Variants in NRIP1 observed in about 807,000 individuals in gnomAD.
NRIP1 encodes the protein nuclear receptor-interacting protein 1.
In NRIP1, 28 loss-of-function variants were observed where a neutral mutation model predicts 75.0. The observed-to-expected ratio is 0.37, with a 90% confidence interval of 0.28 to 0.51. NRIP1 has a LOEUF of 0.51. NRIP1 is among the 20% of genes least tolerant of loss of function. The probability of loss-of-function intolerance (pLI) is 0.92; values close to 1 mark genes in which losing one functional copy is unlikely to be tolerated. For missense variants in NRIP1, 1,435 were observed against 1,343.7 expected, an observed-to-expected ratio of 1.07 and a Z score of -1.06; for synonymous variants, 526 against 487.6, an observed-to-expected ratio of 1.08 and a Z score of -1.04.
In NRIP1 at chr21:14,987,255, G is replaced by T. The variant is rs565608965; in HGVS notation, c.-334-18729C>A. 9.9e-5 allele frequency among the ~76,000 whole-genome samples: 15 copies of T among 152,280 alleles called. No homozygotes were observed. In the East Asian group the frequency reaches 2.9e-3, roughly 29 times the overall value. ...AATACCTGTTTCATAGAGCCCCTGG[G>T]CTGAACAAATGTGGTAATGCTCACA... On this transcript the variant is annotated intron_variant, in intron 3 of 3. Transcript: ENST00000318948.
At chr21:15,064,669 G>C (rs1216903604) in intron 1 of NRIP1, 76 bp downstream of exon 1, 4 of 150,794 alleles carry the variant, frequency 2.7e-5, no homozygotes, top group Admixed American at 1.3e-4. Flanking sequence ...GAGCCGACGC[G>C]GGCCGCGCTC....
intron 1 of NRIP1, among the ~76,000 whole-genome samples, 171 bp downstream of exon 1, chr21:15,064,574 C>G (rs1978684685): frequency 1.3e-5 from 2 of 151,478 alleles, no homozygotes; most frequent in Non-Finnish European, 1.5e-5. Context: ...CCCGGAGACT[C>G]GAACCAGGCA....
chr21:15,011,015 C>G (rs1424635989), intron 3 of NRIP1, among the ~76,000 whole-genome samples: 1 of 152,148 alleles, frequency 6.6e-6, no homozygotes, highest in Non-Finnish European at 1.5e-5. Flanking sequence ...CTTTCTTTCA[C>G]CAGCATCACG....
intron 1 of NRIP1, among the ~76,000 whole-genome samples, chr21:15,043,851 C>G (rs1174199859): frequency 6.6e-6 from 1 of 152,170 alleles, no homozygotes; most frequent in Non-Finnish European, 1.5e-5. Flanking sequence ...TGGAGTCTCC[C>G]TCTGTCACCC....
At chr21:15,026,109 A>C (rs921520203) in intron 2 of NRIP1, among the ~76,000 whole-genome samples, 1 of 152,212 alleles carries the variant, frequency 6.6e-6, no homozygotes, top group Admixed American at 6.5e-5. Context: ...AAATAAGTCA[A>C]CAGAGGAAAA....
chr21:14,976,812 T>G (rs1346181104), intron 3 of NRIP1, among the ~76,000 whole-genome samples: 1 of 152,186 alleles, frequency 6.6e-6, no homozygotes, highest in Non-Finnish European at 1.5e-5. Context: ...TTTTTAAGGA[T>G]TCAGTATCTT....
intron 1 of NRIP1, among the ~76,000 whole-genome samples, chr21:15,058,077 T>C (rs940636142): frequency 6.6e-6 from 1 of 152,164 alleles, no homozygotes; most frequent in Non-Finnish European, 1.5e-5. Flanking sequence ...TGCTGTACAG[T>C]CAGAATTTTA....
intron 2 of NRIP1, among the ~76,000 whole-genome samples, chr21:15,038,901 A>C (rs935334195): frequency 1.3e-5 from 2 of 152,128 alleles, no homozygotes; most frequent in African/African-American, 4.8e-5. Flanking sequence ...TTAGTAACGA[A>C]CGCAACAGAA....
rs1270497732 is a variant in NRIP1 at position 14,966,154 on chromosome 21, G to T, written c.2039C>A (p.Ala680Glu). The T allele has an allele frequency of 1.2e-6, 2 of 1,613,112 alleles. No individual in the cohort carries two copies. Among genetic ancestry groups the T allele is most frequent in the East Asian group, 2.2e-5 (1 of 44,888 alleles). Residue 680 changes from alanine to glutamate, a missense_variant, in exon 4 of 4, where the codon GCA becomes GAA. Ala to Glu is a moderately radical substitution (Grantham distance 107). Coordinates refer to ENST00000318948, the MANE Select transcript of NRIP1 (RefSeq NM_003489.4). ...NSPLLSNKTN[A>E]VEENKAFSSQ... ...ACTAAATGCTTTATTTTCTTCAACT[G>T]CATTTGTTTTATTTGAGAGCAAAGG...
intron 1 of NRIP1, among the ~76,000 whole-genome samples, chr21:15,054,304 C>T (rs1421646475): frequency 6.6e-6 from 1 of 152,144 alleles, no homozygotes; most frequent in African/African-American, 2.4e-5. Context: ...GCTGGCGGGT[C>T]CCTTTGACTA....
intron 1 of NRIP1, among the ~76,000 whole-genome samples, chr21:15,063,896 C>T (rs553374655): frequency 3.9e-5 from 6 of 152,346 alleles, no homozygotes; most frequent in Admixed American, 2.0e-4. Flanking sequence ...CTTCAGAGAT[C>T]AACATGTGTC....
At chr21:15,054,774 CACTT>C (rs2089272496) in intron 1 of NRIP1, among the ~76,000 whole-genome samples, 1 of 152,198 alleles carries the variant, frequency 6.6e-6, no homozygotes, top group African/African-American at 2.4e-5. Context: ...GTGTGCCAGA[CACTT>C]ACAGGACCAA....
In NRIP1 at chr21:15,064,754, C is replaced by T. The variant is rs1371874722; in HGVS notation, c.-547G>A. On this transcript the variant is annotated 5_prime_UTR_variant, in exon 1 of 4. Transcript: ENST00000318948. The stretch of plus-strand genomic sequence containing the variant: ...CGCGGCCGTCACTCACCCCAGGCCG[C>T]CGCGGCTCCCAGCCTCCGGCTCCGT... 6.7e-6 allele frequency: 1 copy of T among 149,272 alleles called. No homozygotes were observed. The highest frequency in any genetic ancestry group is 1.5e-5 in the Non-Finnish European group (1 of 66,914). The allele number at this position is 149,272 out of a possible 1,614,324, so 9.2% of individuals were successfully genotyped here.
chr21:15,037,366 T>C (rs2088859224), intron 2 of NRIP1, among the ~76,000 whole-genome samples: 1 of 152,168 alleles, frequency 6.6e-6, no homozygotes, highest in Non-Finnish European at 1.5e-5. Flanking sequence ...TAAAATTATA[T>C]CAGGACACAC....
At chr21:15,042,514 T>C (rs2088978616) in intron 2 of NRIP1, among the ~76,000 whole-genome samples, 1 of 152,186 alleles carries the variant, frequency 6.6e-6, no homozygotes. Context: ...ATTGAAACCA[T>C]ATTTGCAATG....
At chr21:15,044,523 T>C (rs2089029211) in intron 1 of NRIP1, among the ~76,000 whole-genome samples, 3 of 152,022 alleles carry the variant, frequency 2.0e-5, no homozygotes, top group Middle Eastern at 3.2e-3. Flanking sequence ...AACTCCCTGA[T>C]ACCACCATAG....
intron 1 of NRIP1, among the ~76,000 whole-genome samples, chr21:15,057,870 G>A (rs1250437198): frequency 2.6e-5 from 4 of 152,144 alleles, no homozygotes; most frequent in Admixed American, 2.0e-4. Context: ...CCAGCACAAT[G>A]TCTGGCACAA....
At chr21:15,028,457 G>A (rs1261952437) in intron 2 of NRIP1, among the ~76,000 whole-genome samples, 2 of 152,106 alleles carry the variant, frequency 1.3e-5, no homozygotes, top group Admixed American at 6.5e-5. Flanking sequence ...ATTGCTTCAC[G>A]TTACAGAGGA....
chr21:15,009,936 G>A (rs1374391363), intron 3 of NRIP1, among the ~76,000 whole-genome samples: 1 of 152,200 alleles, frequency 6.6e-6, no homozygotes, highest in Non-Finnish European at 1.5e-5. Context: ...CAGATATTTT[G>A]AGAAGCACTA....
Sources: gnomAD v4.1 joint callset for allele counts (sites outside exome capture counted in the v4.1 genomes callset) on GRCh38, gnomAD v4.1.1 for gene constraint, MANE v1.5 for transcripts, NCBI Gene and HGNC (gene_info 2026-07-23, HGNC 2026-07-21) for gene names.